Variants in PSD2 observed in about 807,000 individuals in gnomAD.
PSD2 encodes PH and SEC7 domain-containing protein 2.
PSD2 carries 38 observed loss-of-function variants against 69.8 expected under a neutral mutation model. The observed-to-expected ratio is 0.54, with a 90% CI of 0.42 to 0.71. The LOEUF (loss-of-function observed/expected upper bound fraction) is 0.71. Ranked by LOEUF, PSD2 falls within the 30% of genes least tolerant of loss-of-function variation. The pLI, the probability that PSD2 is intolerant of heterozygous loss-of-function variation, is 0.00. For synonymous variants in PSD2, 412 were observed against 423.0 expected (o/e 0.97, Z 0.32); for missense variants, 943 against 1,014.5 (o/e 0.93, Z 0.96).
chr5:139,798,325 G>A (rs968899501), intron 1 of PSD2, among the ~76,000 whole-genome samples: 1 of 152,160 alleles, frequency 6.6e-6, no homozygotes, highest in Non-Finnish European at 1.5e-5. Flanking sequence ...AGGTGAGTCC[G>A]TTTCCTCAGG....
In PSD2 at chr5:139,821,915, C is replaced by T. The variant is rs1561601174; in HGVS notation, c.1120C>T (p.Leu374=). Residue 374 remains leucine, a synonymous_variant, in exon 6 of 15, where the codon CTG becomes TTG. Transcript: ENST00000274710. ...CAGAACATTCTTGAAGGCCTTCCCG[C>T]TGATGGGGGAGACACAAGAGCGTGA... ...ALRTFLKAFP[L]MGETQERERV... 2.5e-6 allele frequency: 4 copies of T among 1,608,838 alleles called. No individual in the cohort carries two copies. The highest frequency in any genetic ancestry group is 3.4e-6 in the Non-Finnish European group (4 of 1,177,132).
At position 139,837,048 on chromosome 5, in the gene PSD2, AG is replaced by A. The variant is rs576274025; in HGVS notation, c.1594+53del. ...GGGCATGGGAGGGAGGCTGGCACAG[AG>A]GGGGGCGCCACGGGCCACTCTTTGG... is the stretch of plus-strand genomic sequence containing the variant. On this transcript the variant is annotated intron_variant, in intron 10 of 14. Transcript: ENST00000274710. This position sits in a 1 kb window ranked among gnomAD's most constrained non-coding sequence, Gnocchi z 5.0. The A allele has an allele frequency of 1.5e-3, 2,358 of 1,597,908 alleles. 3 individuals carry two copies. The highest frequency in any genetic ancestry group is 1.8e-3 in the Non-Finnish European group (2,087 of 1,169,228).
At chr5:139,804,919 G>A (rs1241571383) in intron 1 of PSD2, among the ~76,000 whole-genome samples, 1 of 151,698 alleles carries the variant, frequency 6.6e-6, no homozygotes, top group Admixed American at 6.6e-5. Flanking sequence ...GTGCATGTCT[G>A]TGAACGTGTG....
At chr5:139,760,836 A>G in the PSD2 span, among the ~76,000 whole-genome samples, 1 of 152,288 alleles carries the variant, frequency 6.6e-6, no homozygotes, top group South Asian at 2.1e-4. Flanking sequence ...TGATGGTGCT[A>G]CAGCCAATAG....
the PSD2 span, chr5:139,746,155 TC>T: frequency 3.3e-5 from 5 of 152,188 alleles, no homozygotes; most frequent in African/African-American, 9.6e-5. The surrounding 1 kb of genome is among the most constrained non-coding windows in gnomAD (Gnocchi z 4.5). Flanking sequence ...ATATCTAAGC[TC>T]CCCATCTTCC....
At chr5:139,788,122 A>C in the PSD2 span, among the ~76,000 whole-genome samples, 2 of 151,702 alleles carry the variant, frequency 1.3e-5, no homozygotes, top group Admixed American at 6.6e-5. Context: ...GGACGCGGGG[A>C]GTCTGGAAAT....
chr5:139,807,204 G>A (rs1390949566), intron 1 of PSD2, among the ~76,000 whole-genome samples: 1 of 152,196 alleles, frequency 6.6e-6, no homozygotes, highest in African/African-American at 2.4e-5. Context: ...TATGTGTAGG[G>A]GAGCTTGAGT....
At chr5:139,789,488 G>C in the PSD2 span, among the ~76,000 whole-genome samples, 2 of 152,198 alleles carry the variant, frequency 1.3e-5, no homozygotes, top group Non-Finnish European at 2.9e-5. Flanking sequence ...TATTAAGGAA[G>C]GATCGCTAGA....
rs929425618 is a variant in PSD2 at position 139,836,987 on chromosome 5, T to C, written c.1580T>C (p.Met527Thr). Reference sequence around the variant, plus strand: ...CTGACCCGGAAGACTCACGCTGACATGGATGGCAAGAGGAGTGGGTGTCAG... The same window carrying C: ...CTGACCCGGAAGACTCACGCTGACACGGATGGCAAGAGGAGTGGGTGTCAG... The part of the protein sequence containing the change: ...GVLTRKTHAD[M>T]DGKRTPRGRR... The change falls in exon 10 of 15, where the codon ATG (methionine) becomes ACG (threonine). Residue 527 changes from methionine to threonine, a missense_variant. Coordinates refer to ENST00000274710, the MANE Select transcript of PSD2 (RefSeq NM_032289.4). 9.9e-6 allele frequency: 16 copies of C among 1,612,230 alleles called. No individual in the cohort carries two copies. Among genetic ancestry groups the C allele is most frequent in the Admixed American group, 6.7e-5 (4 of 59,958 alleles).
At chr5:139,754,337 T>C in the PSD2 span, among the ~76,000 whole-genome samples, 1 of 151,992 alleles carries the variant, frequency 6.6e-6, no homozygotes, top group African/African-American at 2.4e-5. Context: ...GAGGCTTAGA[T>C]GGTAGGATCA....
the PSD2 span, among the ~76,000 whole-genome samples, chr5:139,744,369 T>C: frequency 6.6e-6 from 1 of 152,194 alleles, no homozygotes; most frequent in Admixed American, 6.5e-5. Context: ...AAGTCCTGCC[T>C]GTCCCCTCTC....
At chr5:139,785,684 T>TATGGCTCA in the PSD2 span, among the ~76,000 whole-genome samples, 4 of 152,392 alleles carry the variant, frequency 2.6e-5, no homozygotes, top group African/African-American at 9.6e-5. Flanking sequence ...TGTTTACTGA[T>TATGGCTCA]ATGGCTCACC....
chr5:139,753,323 G>A, the PSD2 span, among the ~76,000 whole-genome samples: 1 of 152,182 alleles, frequency 6.6e-6, no homozygotes, highest in Non-Finnish European at 1.5e-5. Context: ...CATGGGGGAG[G>A]AGAAGGCCAC....
Position 139,843,777 on chromosome 5 carries a change from C to A in PSD2, c.*1303C>A. On this transcript the variant is annotated 3_prime_UTR_variant, in exon 15 of 15. Coordinates refer to ENST00000274710, the MANE Select transcript of PSD2 (RefSeq NM_032289.4). ...TCACGGATTAGCTAGCACCTTTAAG[C>A]CCTGCATTTCTCCAACTGACAAGTG... The A allele has an allele frequency of 6.6e-6, 1 of 152,328 alleles. No homozygotes were observed. 9.4% of individuals were successfully genotyped at this position (152,328 alleles called of 1,614,324 possible).
At chr5:139,812,568 A>AG (rs1491326215) in intron 2 of PSD2, among the ~76,000 whole-genome samples, 1 of 152,182 alleles carries the variant, frequency 6.6e-6, no homozygotes, top group African/African-American at 2.4e-5. Context: ...TACAGTAAAC[A>AG]GGGGAACAGA....
chr5:139,817,197 A>T (rs1760142037), intron 4 of PSD2, among the ~76,000 whole-genome samples: 1 of 152,150 alleles, frequency 6.6e-6, no homozygotes, highest in South Asian at 2.1e-4. Flanking sequence ...TGGACATGCC[A>T]TGCAGTTTCC....
At chr5:139,808,773 C>T (rs1230167171) in intron 1 of PSD2, among the ~76,000 whole-genome samples, 1 of 152,216 alleles carries the variant, frequency 6.6e-6, no homozygotes, top group Non-Finnish European at 1.5e-5. Context: ...TGGACAGCGC[C>T]CCACGCTGGG....
At chr5:139,744,292 A>G in the PSD2 span, among the ~76,000 whole-genome samples, 2 of 152,176 alleles carry the variant, frequency 1.3e-5, no homozygotes, top group Non-Finnish European at 1.5e-5. Context: ...CTCGGCCTCC[A>G]ACTCCCAGAC....
intron 7 of PSD2, among the ~76,000 whole-genome samples, chr5:139,824,132 G>A (rs1760346069): frequency 6.6e-6 from 1 of 152,194 alleles, no homozygotes; most frequent in Non-Finnish European, 1.5e-5. Context: ...TGCTTTGAAA[G>A]GAGCACTCAA....
Sources: gnomAD v4.1 joint callset for allele counts (sites outside exome capture counted in the v4.1 genomes callset) on GRCh38, gnomAD v4.1.1 for gene constraint, Gnocchi (gnomAD v3.1) non-coding constraint, MANE v1.5 for transcripts, NCBI Gene and HGNC (gene_info 2026-07-23, HGNC 2026-07-21) for gene names.